Variants in CDH23 observed in about 807,000 individuals in gnomAD.
The protein encoded by CDH23 is cadherin related 23.
A neutral mutation model predicts 317.1 loss-of-function variants in CDH23; 189 were observed. The ratio of observed to expected loss-of-function variants is 0.60; its 90% confidence interval spans 0.53 to 0.67. CDH23 has a LOEUF of 0.67. Among genes scored for constraint, CDH23 ranks in the 30% least tolerant of loss-of-function variants. The pLI is 0.00. For synonymous variants in CDH23, 1,839 were observed against 1,876.8 expected, an observed-to-expected ratio of 0.98 and a Z score of 0.52; for missense variants, 4,401 against 4,592.4, an observed-to-expected ratio of 0.96 and a Z score of 1.20.
At chr10:71,760,275 ATGTATG>A (rs1840339038) in intron 38 of CDH23, among the ~76,000 whole-genome samples, 4 of 114,524 alleles carry the variant, frequency 3.5e-5, no homozygotes, top group Admixed American at 9.7e-5. Context: ...ATACATATAT[ATGTATG>A]TATATATGTG....
intron 38 of CDH23, among the ~76,000 whole-genome samples, chr10:71,774,069 A>G (rs1840760410): frequency 6.6e-6 from 1 of 151,984 alleles, no homozygotes; most frequent in African/African-American, 2.4e-5. Flanking sequence ...ACACACACAC[A>G]CACACACACA....
At chr10:71,400,800 A>AAATC (rs1262919210) in intron 1 of CDH23, among the ~76,000 whole-genome samples, 12 of 152,310 alleles carry the variant, frequency 7.9e-5, no homozygotes, top group Non-Finnish European at 1.5e-4. Context: ...CTCCATCTCA[A>AAATC]AATCAATCAA....
chr10:71,804,183 C>T (rs1841644517), intron 55 of CDH23, among the ~76,000 whole-genome samples: 1 of 152,266 alleles, frequency 6.6e-6, no homozygotes, highest in African/African-American at 2.4e-5. Context: ...AACCCACTTC[C>T]CCCATACTTG....
At chr10:71,663,996 G>T (rs1375914654) in intron 14 of CDH23, among the ~76,000 whole-genome samples, 2 of 117,194 alleles carry the variant, frequency 1.7e-5, no homozygotes, top group South Asian at 5.1e-4. Context: ...GTGAGACTCT[G>T]TCTCAAAAAA....
chr10:71,661,037 A>G (rs1426656029), intron 14 of CDH23, among the ~76,000 whole-genome samples: 1 of 152,222 alleles, frequency 6.6e-6, no homozygotes, highest in Non-Finnish European at 1.5e-5. Context: ...GTTTCAGAGA[A>G]GGTAGCTCTG....
intron 3 of CDH23, among the ~76,000 whole-genome samples, chr10:71,469,769 T>G (rs1472006786): frequency 6.6e-6 from 1 of 152,158 alleles, no homozygotes; most frequent in Non-Finnish European, 1.5e-5. Flanking sequence ...CATGCCCAGC[T>G]AATTTTTGTA....
chr10:71,608,955 A>G (rs1243912955), intron 9 of CDH23, among the ~76,000 whole-genome samples: 1 of 152,178 alleles, frequency 6.6e-6, no homozygotes, highest in Non-Finnish European at 1.5e-5. Flanking sequence ...AGACAAAGCA[A>G]TTGAAAGTCA....
intron 6 of CDH23, among the ~76,000 whole-genome samples, chr10:71,549,675 G>T (rs1415946570): frequency 6.6e-6 from 1 of 152,234 alleles, no homozygotes; most frequent in Non-Finnish European, 1.5e-5. Context: ...GAACAGAGGA[G>T]AGGCAGCCTG....
At chr10:71,680,421 C>A (rs1864569924) in intron 17 of CDH23, among the ~76,000 whole-genome samples, 1 of 152,164 alleles carries the variant, frequency 6.6e-6, no homozygotes, top group Non-Finnish European at 1.5e-5. Flanking sequence ...CACTACCCCA[C>A]AGTTAGTTCA....
At chr10:71,530,099 G>A (rs905194779) in intron 6 of CDH23, among the ~76,000 whole-genome samples, 2 of 149,836 alleles carry the variant, frequency 1.3e-5, no homozygotes, top group South Asian at 2.1e-4. Flanking sequence ...CTGCCTGGCC[G>A]GTTATTAATT....
chr10:71,695,957 C>G (rs1865373245), intron 22 of CDH23, among the ~76,000 whole-genome samples: 1 of 152,252 alleles, frequency 6.6e-6, no homozygotes, highest in Non-Finnish European at 1.5e-5. Context: ...GGTCACCTCC[C>G]CCACGGGCTG....
chr10:71,410,424 ACC>A, intron 1 of CDH23, among the ~76,000 whole-genome samples: 1 of 152,132 alleles, frequency 6.6e-6, no homozygotes, highest in Non-Finnish European at 1.5e-5. Context: ...CTCTATGCCC[ACC>A]AGCACTGTGC....
chr10:71,809,530 C>CA (rs1841848360), intron 60 of CDH23, among the ~76,000 whole-genome samples: 1 of 152,176 alleles, frequency 6.6e-6, no homozygotes, highest in African/African-American at 2.4e-5. Flanking sequence ...GAGAAACAGA[C>CA]AGACACTCAG....
intron 1 of CDH23, among the ~76,000 whole-genome samples, chr10:71,415,107 T>C (rs1436022322): frequency 1.3e-5 from 2 of 152,164 alleles, no homozygotes; most frequent in African/African-American, 4.8e-5. Flanking sequence ...TTTATTTCTT[T>C]ATTATTATTG....
chr10:71,799,678 G>T (rs779799721), intron 52 of CDH23, 49 bp downstream of exon 52: 2 of 1,612,822 alleles, frequency 1.2e-6, no homozygotes, highest in Non-Finnish European at 1.7e-6. Context: ...AGGACCCAGG[G>T]TCAGAGACTG....
chr10:71,633,029 C>T (rs924793146), intron 11 of CDH23, among the ~76,000 whole-genome samples: 2 of 152,050 alleles, frequency 1.3e-5, no homozygotes, highest in Non-Finnish European at 2.9e-5. Context: ...GAGATTACTA[C>T]GTGTGCTCAT....
intron 34 of CDH23, chr10:71,737,705 C>G (rs142977574): frequency 4.2e-6 from 2 of 470,698 alleles, no homozygotes; most frequent in African/African-American, 4.0e-5. Context: ...CCCTCACACC[C>G]TCATCAGTGA....
chr10:71,705,274 C>T (rs1865743452), intron 25 of CDH23, 144 bp downstream of exon 25: 1 of 758,352 alleles, frequency 1.3e-6, no homozygotes, highest in African/African-American at 1.8e-5. Flanking sequence ...GAGGTGCCCT[C>T]CCCAGCTGGA....
In CDH23 at chr10:71,807,214, A is replaced by G. The variant is rs1841757249; in HGVS notation, c.8179-63A>G. On this transcript the variant is annotated intron_variant, in intron 57 of 69. Coordinates refer to ENST00000224721, the MANE Select transcript of CDH23 (RefSeq NM_022124.6). ...CAAAGTCACTGCCCAGGGCCCTGAA[A>G]CAGGGACTGGAAGCTCGGGTCTTCC... 8.2e-6 allele frequency: 13 copies of G among 1,589,858 alleles called. No homozygotes were observed. The South Asian group carries it at 1.5e-4, about 18-fold the overall frequency.
Sources: allele counts gnomAD v4.1 joint callset (sites outside exome capture counted in the v4.1 genomes callset), GRCh38; gene constraint gnomAD v4.1.1; transcripts MANE v1.5; gene names NCBI Gene and HGNC (gene_info 2026-07-23, HGNC 2026-07-21).